The following GSE1 variants were observed in gnomAD, a reference collection of about 807,000 sequenced individuals.
GSE1 encodes genetic suppressor element 1.
In GSE1, 32 loss-of-function variants were observed where a neutral mutation model predicts 112.6. The ratio of observed to expected loss-of-function variants is 0.28; its 90% CI spans 0.21 to 0.38. The LOEUF (loss-of-function observed/expected upper bound fraction) is 0.38. Ranked by LOEUF, GSE1 falls within the 10% of genes least tolerant of loss-of-function variation. GSE1 has a pLI of 1.00. For synonymous variants in GSE1, 1,115 were observed against 735.6 expected, an observed-to-expected ratio of 1.52 and a Z score of -8.35; for missense variants, 2,348 against 1,699.2, an observed-to-expected ratio of 1.38 and a Z score of -6.71.
At chr16:85,420,198 G>A (rs748443036) in intron 2 of GSE1, among the ~76,000 whole-genome samples, 8 of 152,066 alleles carry the variant, frequency 5.3e-5, no homozygotes, top group Admixed American at 3.3e-4. Flanking sequence ...ACCAGCCTGG[G>A]CAACACAGCG....
At chr16:85,314,437 A>G (rs985483816) in intron 1 of GSE1, among the ~76,000 whole-genome samples, 10 of 152,164 alleles carry the variant, frequency 6.6e-5, no homozygotes, top group African/African-American at 2.4e-4. Context: ...TGTGGGACAG[A>G]TGAAGGGATG....
At position 85,321,062 on chromosome 16, in the gene GSE1, G is replaced by A. The variant is rs547393445; in HGVS notation, c.2284-36401G>A. Among the ~76,000 whole-genome samples, 8 of 152,268 alleles carry A rather than the reference G, an allele frequency of 5.3e-5. No individual in the cohort carries two copies. In the East Asian group the frequency reaches 1.5e-3, roughly 29 times the overall value. On this transcript the variant is annotated intron_variant, in intron 1 of 2. Transcript: ENST00000637419. ...CTTATTTAGGTCGCCTTAGTTTCCT[G>A]TGTACCCCTGGCCCTCTATATGTTG...
At chr16:85,254,027 C>T (rs1418343138) in intron 1 of GSE1, among the ~76,000 whole-genome samples, 4 of 152,168 alleles carry the variant, frequency 2.6e-5, no homozygotes, top group African/African-American at 9.7e-5. Flanking sequence ...GGCCGAATTC[C>T]CATCTGGAGA....
chr16:85,317,082 T>C (rs780278170), intron 1 of GSE1, among the ~76,000 whole-genome samples: 19 of 152,188 alleles, frequency 1.2e-4, no homozygotes, highest in Non-Finnish European at 2.6e-4. Flanking sequence ...CATCTTGCCA[T>C]GTGTCTATTT....
intron 1 of GSE1, among the ~76,000 whole-genome samples, chr16:85,196,693 T>C (rs1402467318): frequency 6.6e-6 from 1 of 152,110 alleles, no homozygotes; most frequent in Non-Finnish European, 1.5e-5. Context: ...CATAAATTAA[T>C]CCAGCGACAT....
chr16:85,590,449 GTGAT>G (rs1445580665), intron 1 of GSE1, among the ~76,000 whole-genome samples: 1 of 151,954 alleles, frequency 6.6e-6, no homozygotes, highest in Non-Finnish European at 1.5e-5. Flanking sequence ...GTGAGCATGT[GTGAT>G]TGTGTGAGCG....
intron 2 of GSE1, among the ~76,000 whole-genome samples, chr16:85,643,584 G>A (rs2050620406): frequency 6.6e-6 from 1 of 152,206 alleles, no homozygotes; most frequent in Non-Finnish European, 1.5e-5. Flanking sequence ...ATGGCAAGGG[G>A]TCTCTCTGGG....
At chr16:85,507,811 A>G (rs1033381954) in intron 2 of GSE1, among the ~76,000 whole-genome samples, 4 of 152,200 alleles carry the variant, frequency 2.6e-5, no homozygotes, top group African/African-American at 9.6e-5. Flanking sequence ...CAATTTTCGC[A>G]GGACACAAAT....
chr16:85,443,371 TG>T (rs543687977), intron 2 of GSE1, among the ~76,000 whole-genome samples: 88 of 152,332 alleles, frequency 5.8e-4, no homozygotes, highest in Middle Eastern at 3.4e-3. Context: ...TGGCTCCCAC[TG>T]GCTGACCTCG....
At chr16:85,635,251 T>C (rs910457186) in intron 2 of GSE1, among the ~76,000 whole-genome samples, 7 of 152,096 alleles carry the variant, frequency 4.6e-5, no homozygotes, top group African/African-American at 1.4e-4. Context: ...ATGGGGGGTA[T>C]TGGCCCAGGA....
chr16:85,250,733 A>T (rs988642025), intron 1 of GSE1, among the ~76,000 whole-genome samples: 1 of 152,206 alleles, frequency 6.6e-6, no homozygotes, highest in African/African-American at 2.4e-5. Context: ...TTTTGAGGAT[A>T]TTCACAGAGT....
At chr16:85,564,079 T>G (rs75130064) in intron 1 of GSE1, among the ~76,000 whole-genome samples, 11 of 152,206 alleles carry the variant, frequency 7.2e-5, no homozygotes, top group African/African-American at 1.4e-4. Context: ...GCAGAGGAGA[T>G]CTATGTTTTA....
intron 2 of GSE1, 105 bp from the exon 3 acceptor site, chr16:85,648,439 AGGTCTGGG>A (rs1038516086): frequency 1.5e-5 from 9 of 608,776 alleles, no homozygotes; most frequent in Non-Finnish European, 2.6e-5. Context: ...GTAGACCTGG[AGGTCTGGG>A]GCCTCACTTG....
chr16:85,242,905 G>A (rs8048971), intron 1 of GSE1, among the ~76,000 whole-genome samples: 11,288 of 152,050 alleles, frequency 0.074, 900 homozygotes, highest in African/African-American at 0.2. Context: ...TTGACTTCTC[G>A]GGCTCAAGTG....
In GSE1 at chr16:85,654,819, G is replaced by A; in HGVS notation, c.625G>A (p.Val209Met). ...LNLQRPVHHV[V>M]PPSTVTEDYL... Reference sequence around the variant, plus strand: ...CCTCCAGCGGCCCGTGCACCACGTGGTGCCCCCCAGTACCGTGACCGAGGA... The same window carrying A: ...CCTCCAGCGGCCCGTGCACCACGTGATGCCCCCCAGTACCGTGACCGAGGA... Residue 209 changes from valine (V) to methionine (M), a missense_variant, in exon 5 of 16, where the codon GTG (valine) becomes ATG (methionine). Transcript: ENST00000253458. 1 of 1,611,604 alleles carries A rather than the reference G, an allele frequency of 6.2e-7. No homozygotes were observed. Among genetic ancestry groups the A allele is most frequent in the Non-Finnish European group, 8.5e-7 (1 of 1,179,456 alleles).
chr16:85,220,858 T>G (rs966744141), intron 1 of GSE1, among the ~76,000 whole-genome samples: 7 of 152,024 alleles, frequency 4.6e-5, no homozygotes, highest in African/African-American at 1.7e-4. Flanking sequence ...CCCCATCCCT[T>G]TTCCGTTGCA....
intron 1 of GSE1, among the ~76,000 whole-genome samples, chr16:85,269,541 G>A (rs2144167826): frequency 6.7e-6 from 1 of 149,540 alleles, no homozygotes; most frequent in East Asian, 1.9e-4. Context: ...TACAAACACA[G>A]TGCAAATGGC....
chr16:85,310,245 G>A (rs1245721554), intron 1 of GSE1, among the ~76,000 whole-genome samples: 5 of 152,240 alleles, frequency 3.3e-5, no homozygotes, highest in African/African-American at 1.2e-4. Flanking sequence ...TGCGTGAGGC[G>A]TGTAACTGCT....
intron 2 of GSE1, among the ~76,000 whole-genome samples, chr16:85,501,496 G>A (rs1248995181): frequency 6.7e-6 from 1 of 148,728 alleles, no homozygotes; most frequent in Non-Finnish European, 1.5e-5. Flanking sequence ...GGGTTCAAGC[G>A]ATCTCCCGCC....
Sources: gnomAD v4.1 joint callset for allele counts (sites outside exome capture counted in the v4.1 genomes callset) on GRCh38, gnomAD v4.1.1 for gene constraint, MANE v1.5 for transcripts, NCBI Gene and HGNC (gene_info 2026-07-23, HGNC 2026-07-21) for gene names.